The following HDAC8 variants were observed in gnomAD, a reference collection of about 807,000 sequenced individuals.
HDAC8 encodes histone deacetylase-like 1.
Under a neutral mutation model 32.2 loss-of-function variants are expected in HDAC8, and 1 was observed. The ratio of observed to expected loss-of-function variants is 0.03; its 90% CI spans 0.01 to 0.15. The LOEUF (loss-of-function observed/expected upper bound fraction) is 0.15. HDAC8 is among the 10% of genes least tolerant of loss of function. The pLI, the probability that HDAC8 is intolerant of heterozygous loss-of-function variation, is 1.00. For missense variants in HDAC8, 117 were observed against 300.0 expected, an observed-to-expected ratio of 0.39 and a Z score of 4.51; for synonymous variants, 108 against 113.9, an observed-to-expected ratio of 0.95 and a Z score of 0.33.
In HDAC8 at chrX:72,456,393, A is replaced by C. The variant is rs781786681; in HGVS notation, c.1005+5611T>G. ...ATGCAAAAGTAAAATATATGACTAC[A>C]ATAGCACAAAGAAAGAGAAAGGAAA... On this transcript the variant is annotated intron_variant, in intron 9 of 10. Transcript: ENST00000373573. Among the ~76,000 whole-genome samples, 4 of 112,168 alleles carry C rather than the reference A, an allele frequency of 3.6e-5. No individual in the cohort carries two copies. The East Asian group carries it at 1.1e-3, about 31-fold the overall frequency.
chrX:72,436,774 G>A (rs1555979364), intron 9 of HDAC8, among the ~76,000 whole-genome samples: 1 of 111,102 alleles, frequency 9.0e-6, no homozygotes, highest in African/African-American at 3.3e-5. Flanking sequence ...ATTGATATGT[G>A]TAGAGGACAC....
intron 4 of HDAC8, among the ~76,000 whole-genome samples, chrX:72,502,197 G>A (rs992726197): frequency 1.7e-4 from 19 of 111,819 alleles, no homozygotes; most frequent in Admixed American, 3.8e-4. Context: ...TTCAACCATT[G>A]AGGAAAGCAG....
At chrX:72,513,212 G>A (rs1428118733) in intron 4 of HDAC8, among the ~76,000 whole-genome samples, 1 of 112,021 alleles carries the variant, frequency 8.9e-6, no homozygotes, top group African/African-American at 3.2e-5. Context: ...ATTACTTCTT[G>A]TACTTGTCTT....
chrX:72,457,540 T>C (rs1055645040), intron 9 of HDAC8, among the ~76,000 whole-genome samples: 52 of 112,406 alleles, frequency 4.6e-4, no homozygotes, highest in African/African-American at 1.6e-3. Context: ...AAAAGTCAAT[T>C]GTCCTTCAAT....
chrX:72,394,501 T>C (rs1264568523), intron 9 of HDAC8, among the ~76,000 whole-genome samples: 2 of 112,244 alleles, frequency 1.8e-5, no homozygotes, highest in East Asian at 5.6e-4. Context: ...TACTTTACAG[T>C]TTATAAATCG....
At chrX:72,550,765 G>GGATAC (rs1249768748) in intron 4 of HDAC8, among the ~76,000 whole-genome samples, 1 of 111,265 alleles carries the variant, frequency 9.0e-6, no homozygotes, top group Non-Finnish European at 1.9e-5. Context: ...GGTTTTCTAA[G>GGATAC]GATACAAAAG....
chrX:72,483,384 T>A (rs781910408), intron 7 of HDAC8, among the ~76,000 whole-genome samples: 1 of 111,078 alleles, frequency 9.0e-6, no homozygotes, highest in East Asian at 2.8e-4. Flanking sequence ...TATGAGTTAA[T>A]AAGAGCTGGT....
At chrX:72,420,664 G>A (rs2046462210) in intron 9 of HDAC8, among the ~76,000 whole-genome samples, 1 of 111,874 alleles carries the variant, frequency 8.9e-6, no homozygotes, top group African/African-American at 3.2e-5. Context: ...GTTGTTTGGT[G>A]TATATGTGTT....
chrX:72,404,883 C>A (rs2045996916), intron 9 of HDAC8, among the ~76,000 whole-genome samples: 1 of 110,619 alleles, frequency 9.0e-6, no homozygotes, highest in African/African-American at 3.3e-5. Context: ...TTTCTTAGGC[C>A]TGAATCTGCA....
chrX:72,452,763 G>A (rs1293371729), intron 9 of HDAC8, among the ~76,000 whole-genome samples: 1 of 111,651 alleles, frequency 9.0e-6, no homozygotes, highest in East Asian at 2.8e-4. Flanking sequence ...CAATATAAAA[G>A]TCATGACATT....
At chrX:72,516,236 G>A (rs1160283839) in intron 4 of HDAC8, among the ~76,000 whole-genome samples, 1 of 111,841 alleles carries the variant, frequency 8.9e-6, no homozygotes, top group Non-Finnish European at 1.9e-5. Context: ...GCCAAGAAAG[G>A]TTAATGAGTT....
chrX:72,423,620 A>G (rs1555974441), intron 9 of HDAC8, among the ~76,000 whole-genome samples: 1 of 112,561 alleles, frequency 8.9e-6, no homozygotes, highest in East Asian at 2.8e-4. Flanking sequence ...CAGCTCAGCT[A>G]TGTACTGTAT....
rs782131613 is a variant in HDAC8, at chrX:72,541,259, T to TA, written c.437+26629_437+26630insT. ...AAGACTTGAAGGAAGTGAAGGGACATCCTTGGGGGAAAAGCATTCCAGGCA... is the reference window on the plus strand; with the variant it reads ...AAGACTTGAAGGAAGTGAAGGGACATACCTTGGGGGAAAAGCATTCCAGGCA... On this transcript the variant is annotated intron_variant, in intron 4 of 10. Coordinates refer to ENST00000373573, the MANE Select transcript of HDAC8 (RefSeq NM_018486.3). Among the ~76,000 whole-genome samples the TA allele has an allele frequency of 3.5e-3, 380 of 109,821 alleles. 1 individual carries two copies. Among genetic ancestry groups the TA allele is most frequent in the Non-Finnish European group, 5.7e-3 (300 of 52,644 alleles).
intron 9 of HDAC8, among the ~76,000 whole-genome samples, chrX:72,386,092 A>G (rs868913346): frequency 8.9e-6 from 1 of 112,492 alleles, no homozygotes; most frequent in Admixed American, 9.4e-5. Context: ...GGATGGTTAA[A>G]TAAAACACAG....
chrX:72,430,790 G>T (rs2046792062), intron 9 of HDAC8, among the ~76,000 whole-genome samples: 2 of 111,974 alleles, frequency 1.8e-5, no homozygotes, highest in South Asian at 7.4e-4. Flanking sequence ...AACAGCTATT[G>T]AAGCTGACCA....
intron 9 of HDAC8, among the ~76,000 whole-genome samples, chrX:72,395,888 AAT>A (rs781955270): frequency 3.6e-5 from 4 of 112,121 alleles, no homozygotes; most frequent in African/African-American, 1.3e-4. Flanking sequence ...GGCTCTGAAC[AAT>A]AGAGAGGAGC....
At position 72,351,703 on chromosome X, in the gene HDAC8, G is replaced by A. The variant is rs782418663; in HGVS notation, c.1111+30C>T. 85 of 1,077,133 alleles carry A rather than the reference G, an allele frequency of 7.9e-5. No individual in the cohort carries two copies. The Middle Eastern group carries it at 2.0e-3, about 25-fold the overall frequency. The allele number at this position is 1,077,133 out of a possible 1,213,427, so 88.8% of individuals were successfully genotyped here. On this transcript the variant is annotated intron_variant, in intron 10 of 10. Transcript: ENST00000373573. Reference sequence around the variant, plus strand: ...GGCCACCACAAACTGGGTGGAACAAGGAGGGCAGGCCTCGAGGGGCGGTGC... The same window carrying A: ...GGCCACCACAAACTGGGTGGAACAAAGAGGGCAGGCCTCGAGGGGCGGTGC...
Position 72,468,635 on chromosome X carries a change from T to C in HDAC8, c.738-3904A>G, listed in dbSNP as rs915847084. 5.4e-5 allele frequency among the ~76,000 whole-genome samples: 6 copies of C among 111,609 alleles called. No homozygotes were observed. The South Asian group carries it at 1.5e-3, about 28-fold the overall frequency. On this transcript the variant is annotated intron_variant, in intron 7 of 10. Coordinates refer to ENST00000373573, the MANE Select transcript of HDAC8 (RefSeq NM_018486.3). The stretch of plus-strand genomic sequence containing the variant: ...CGTTCACAATTTTTCTCATTCTGCC[T>C]TTCCTTGTCATCATTTTCTGCAGTT...
At chrX:72,481,152 C>T (rs1456579582) in intron 7 of HDAC8, among the ~76,000 whole-genome samples, 1 of 110,738 alleles carries the variant, frequency 9.0e-6, no homozygotes, top group Non-Finnish European at 1.9e-5. Context: ...GAAGGGGAAG[C>T]AAAGATGTCC....
Sources: allele counts gnomAD v4.1 joint callset (sites outside exome capture counted in the v4.1 genomes callset), GRCh38; gene constraint gnomAD v4.1.1; transcripts MANE v1.5; gene names NCBI Gene and HGNC (gene_info 2026-07-23, HGNC 2026-07-21).